Variants in UBE2E2 observed in about 807,000 individuals in gnomAD.
UBE2E2 encodes the protein ubiquitin-conjugating enzyme E2 E2.
Under a neutral mutation model 24.7 loss-of-function variants are expected in UBE2E2, and 6 were observed. The observed-to-expected ratio is 0.24, with a 90% confidence interval of 0.13 to 0.48. The LOEUF (loss-of-function observed/expected upper bound fraction) is 0.48. Among genes scored for constraint, UBE2E2 ranks in the 20% least tolerant of loss-of-function variants. The pLI is 0.99. For synonymous variants in UBE2E2, 104 were observed against 83.6 expected, an observed-to-expected ratio of 1.24 and a Z score of -1.33; for missense variants, 169 against 245.0, an observed-to-expected ratio of 0.69 and a Z score of 2.07.
intron 5 of UBE2E2, among the ~76,000 whole-genome samples, chr3:23,575,366 G>A (rs1163450984): frequency 6.6e-6 from 1 of 152,152 alleles, no homozygotes; most frequent in Admixed American, 6.6e-5. Flanking sequence ...CATTGAATGA[G>A]GCATTTGCCT....
intron 3 of UBE2E2, among the ~76,000 whole-genome samples, chr3:23,266,661 G>A (rs4334589): frequency 6.6e-5 from 10 of 151,890 alleles, no homozygotes; most frequent in African/African-American, 1.7e-4. Context: ...AGAAAGTTAA[G>A]AAGGATACCC....
At chr3:23,580,315 CTTA>C (rs1696446862) in intron 5 of UBE2E2, among the ~76,000 whole-genome samples, 2 of 152,182 alleles carry the variant, frequency 1.3e-5, no homozygotes. Flanking sequence ...GTATTGTTGT[CTTA>C]TTGTAAGAAA....
At chr3:23,502,294 G>T (rs1395007043) in intron 4 of UBE2E2, among the ~76,000 whole-genome samples, 1 of 149,882 alleles carries the variant, frequency 6.7e-6, no homozygotes, top group African/African-American at 2.5e-5. Flanking sequence ...CCAATACTCT[G>T]AAGAATGAAC....
chr3:23,504,775 A>G (rs1694396435), intron 4 of UBE2E2, among the ~76,000 whole-genome samples: 1 of 152,144 alleles, frequency 6.6e-6, no homozygotes, highest in African/African-American at 2.4e-5. Context: ...AAAGTCTTAC[A>G]TCAAATAAAA....
chr3:23,342,132 C>T (rs1430985799), intron 3 of UBE2E2, among the ~76,000 whole-genome samples: 1 of 151,370 alleles, frequency 6.6e-6, no homozygotes, highest in African/African-American at 2.4e-5. Context: ...CTATTTATTT[C>T]TGTCTAGCTA....
intron 3 of UBE2E2, among the ~76,000 whole-genome samples, chr3:23,382,458 G>A (rs1696698746): frequency 6.6e-6 from 1 of 152,042 alleles, no homozygotes; most frequent in Non-Finnish European, 1.5e-5. Flanking sequence ...CTAGGATTAT[G>A]GGGATAAGCC....
intron 3 of UBE2E2, among the ~76,000 whole-genome samples, chr3:23,451,056 G>A (rs188314431): frequency 2.6e-5 from 4 of 152,252 alleles, no homozygotes; most frequent in African/African-American, 9.6e-5. Context: ...GGAACTTTTT[G>A]TACTATCTTT....
chr3:23,475,208 C>T (rs779873808), intron 3 of UBE2E2, among the ~76,000 whole-genome samples: 2 of 152,038 alleles, frequency 1.3e-5, no homozygotes, highest in Non-Finnish European at 2.9e-5. Context: ...TCCCTCCTAA[C>T]TCCCCTCCTT....
chr3:23,354,148 A>G (rs1487263823), intron 3 of UBE2E2, among the ~76,000 whole-genome samples: 3 of 152,120 alleles, frequency 2.0e-5, no homozygotes, highest in African/African-American at 7.2e-5. Flanking sequence ...AGGATTCCCT[A>G]TTTAATAAAT....
intron 3 of UBE2E2, among the ~76,000 whole-genome samples, chr3:23,384,809 G>A (rs1696765425): frequency 6.6e-6 from 1 of 152,174 alleles, no homozygotes; most frequent in African/African-American, 2.4e-5. Flanking sequence ...CAAAAGTGCT[G>A]GGATTACAGG....
chr3:23,567,313 CTG>C (rs1260875697), intron 5 of UBE2E2, among the ~76,000 whole-genome samples: 1 of 152,160 alleles, frequency 6.6e-6, no homozygotes, highest in Non-Finnish European at 1.5e-5. Flanking sequence ...GGGAGAAGCA[CTG>C]TGTGTGGACA....
intron 3 of UBE2E2, among the ~76,000 whole-genome samples, chr3:23,416,389 T>G (rs1697633745): frequency 6.6e-6 from 1 of 152,218 alleles, no homozygotes. Flanking sequence ...CTCACGCTCC[T>G]CTGGCTTGTA....
intron 3 of UBE2E2, among the ~76,000 whole-genome samples, chr3:23,468,135 G>A (rs1698962002): frequency 6.6e-6 from 1 of 152,070 alleles, no homozygotes; most frequent in Non-Finnish European, 1.5e-5. Context: ...GCTCCACATG[G>A]ACCATTCAGG....
intron 4 of UBE2E2, among the ~76,000 whole-genome samples, chr3:23,517,530 C>G (rs531144613): frequency 2.0e-5 from 3 of 152,086 alleles, no homozygotes; most frequent in South Asian, 2.1e-4. Flanking sequence ...TGTAAATATT[C>G]TGTGTTTTTC....
chr3:23,440,748 A>T lies in UBE2E2; in HGVS notation c.228-58860A>T, dbSNP rs1245176199. Among the ~76,000 whole-genome samples the T allele has an allele frequency of 2.0e-5, 3 of 152,222 alleles. No individual in the cohort carries two copies. The East Asian group carries it at 5.8e-4, about 29-fold the overall frequency. ...TCAGGGAAATAGTTTTCAGATTTAA[A>T]TAACTGTAAAGAGCTGAGTTATTCT... is the stretch of plus-strand genomic sequence containing the variant. On this transcript the variant is annotated intron_variant, in intron 3 of 5. Transcript: ENST00000396703.
chr3:23,300,616 C>G (rs1379805221), intron 3 of UBE2E2, among the ~76,000 whole-genome samples: 2 of 152,216 alleles, frequency 1.3e-5, no homozygotes, highest in Non-Finnish European at 2.9e-5. Flanking sequence ...TTGGTCCCCA[C>G]TGTCTTCTGG....
At chr3:23,346,640 T>A (rs1250642453) in intron 3 of UBE2E2, among the ~76,000 whole-genome samples, 2 of 152,240 alleles carry the variant, frequency 1.3e-5, no homozygotes, top group African/African-American at 4.8e-5. Flanking sequence ...CCCTAAAATG[T>A]ACTTAATGTT....
At chr3:23,379,222 A>T (rs1365372561) in intron 3 of UBE2E2, among the ~76,000 whole-genome samples, 1 of 149,458 alleles carries the variant, frequency 6.7e-6, no homozygotes, top group Non-Finnish European at 1.5e-5. Context: ...CTTCAAGATT[A>T]TGTATTTATT....
In UBE2E2 at chr3:23,459,379, G is replaced by C. The variant is rs553658713; in HGVS notation, c.228-40229G>C. Among the ~76,000 whole-genome samples the C allele has an allele frequency of 3.9e-5, 6 of 152,316 alleles. No individual in the cohort carries two copies. The East Asian group carries it at 1.2e-3, about 29-fold the overall frequency. ...AATAATAAGAACAAAACTTGTTACT[G>C]ATACATATAGTTGAATTACACCCAA... On this transcript the variant is annotated intron_variant, in intron 3 of 5. Coordinates refer to ENST00000396703, the MANE Select transcript of UBE2E2 (RefSeq NM_152653.4).
Sources: gnomAD v4.1 joint callset for allele counts (sites outside exome capture counted in the v4.1 genomes callset) on GRCh38, gnomAD v4.1.1 for gene constraint, MANE v1.5 for transcripts, NCBI Gene and HGNC (gene_info 2026-07-23, HGNC 2026-07-21) for gene names.